The following GRB10 variants were observed in gnomAD, a reference collection of about 807,000 sequenced individuals.
The protein encoded by GRB10 is growth factor receptor-bound protein 10.
A neutral mutation model predicts 80.9 loss-of-function variants in GRB10; 20 were observed. The observed-to-expected ratio is 0.25, with a 90% CI of 0.17 to 0.36. The LOEUF is 0.36. Among genes scored for constraint, GRB10 ranks in the 10% least tolerant of loss-of-function variants. The pLI, the probability that GRB10 is intolerant of heterozygous loss-of-function variation, is 1.00. For missense variants in GRB10, 548 were observed against 747.7 expected, an observed-to-expected ratio of 0.73 and a Z score of 3.12; for synonymous variants, 291 against 291.5, an observed-to-expected ratio of 1.00 and a Z score of 0.02.
chr7:50,702,364 T>C (rs1219139517), intron 5 of GRB10, among the ~76,000 whole-genome samples: 4 of 152,212 alleles, frequency 2.6e-5, no homozygotes, highest in Admixed American at 6.5e-5. Flanking sequence ...TTGTATTCCC[T>C]AGGACCTAGG....
intron 5 of GRB10, among the ~76,000 whole-genome samples, chr7:50,699,013 C>T (rs965995650): frequency 2.6e-5 from 4 of 152,166 alleles, no homozygotes; most frequent in African/African-American, 9.7e-5. Context: ...GAATATACTC[C>T]TAGATAGCTT....
chr7:50,753,054 G>A (rs969475523), intron 3 of GRB10, among the ~76,000 whole-genome samples: 6 of 152,178 alleles, frequency 3.9e-5, no homozygotes, highest in African/African-American at 1.2e-4. Context: ...AGTGAGCAGC[G>A]AAGGACAGTG....
chr7:50,593,107 A>C lies in GRB10; in HGVS notation c.1639-9T>G. 6.2e-7 allele frequency: 1 copy of C among 1,614,060 alleles called. No individual in the cohort carries two copies. The highest frequency in any genetic ancestry group is 8.5e-7 in the Non-Finnish European group (1 of 1,180,010). ...TGCCCGTCGTCCTCGCACTGGAGAG[A>C]CACAAGAACACTTGCCAGGTTAGAG... On this transcript the variant is annotated splice_polypyrimidine_tract_variant and intron_variant, in intron 18 of 18. Transcript: ENST00000401949.
At chr7:50,686,661 C>T (rs745605217) in intron 5 of GRB10, among the ~76,000 whole-genome samples, 3 of 152,118 alleles carry the variant, frequency 2.0e-5, no homozygotes, top group Non-Finnish European at 4.4e-5. Flanking sequence ...ATCAGCATGA[C>T]AAACAAAAGC....
chr7:50,743,612 G>T (rs2072297995), intron 3 of GRB10, among the ~76,000 whole-genome samples: 2 of 152,234 alleles, frequency 1.3e-5, no homozygotes, highest in African/African-American at 4.8e-5. Flanking sequence ...TTGCACAGCT[G>T]CATAGTTAAT....
At chr7:50,778,028 T>C (rs1036056202) in intron 2 of GRB10, among the ~76,000 whole-genome samples, 1 of 152,140 alleles carries the variant, frequency 6.6e-6, no homozygotes, top group Admixed American at 6.5e-5. Context: ...ATGGTACACG[T>C]ATACCTATGT....
intron 3 of GRB10, among the ~76,000 whole-genome samples, chr7:50,744,546 T>C (rs2072512857): frequency 6.6e-6 from 1 of 152,234 alleles, no homozygotes; most frequent in Non-Finnish European, 1.5e-5. Context: ...GCACATGTTG[T>C]ATGTCATATA....
At chr7:50,676,350 G>GGGGGGGGGGGGGGT (rs2060949099) in intron 5 of GRB10, among the ~76,000 whole-genome samples, 1 of 111,680 alleles carries the variant, frequency 9.0e-6, no homozygotes, top group Non-Finnish European at 1.8e-5. Context: ...GGGGGGGGGG[G>GGGGGGGGGGGGGGT]TTGTAAGGAC....
intron 3 of GRB10, among the ~76,000 whole-genome samples, chr7:50,754,775 C>T (rs546643691): frequency 2.6e-5 from 4 of 152,170 alleles, no homozygotes; most frequent in Non-Finnish European, 5.9e-5. Flanking sequence ...TTGACCTGGG[C>T]TGAACTGCGT....
chr7:50,595,604 C>CACACACACACACTCTCTT, intron 17 of GRB10, 74 bp from the exon 18 acceptor site: 1 of 372,816 alleles, frequency 2.7e-6, no homozygotes, highest in South Asian at 2.9e-5. Context: ...CACTCTCTTA[C>CACACACACACACTCTCTT]ACACACACAC....
chr7:50,656,746 G>A (rs897371692), intron 7 of GRB10, among the ~76,000 whole-genome samples: 13 of 152,228 alleles, frequency 8.5e-5, no homozygotes, highest in Non-Finnish European at 1.6e-4. Flanking sequence ...AGAATGCAGA[G>A]GTGGAGAAAG....
At chr7:50,658,650 T>C (rs947708754) in intron 7 of GRB10, among the ~76,000 whole-genome samples, 1 of 152,198 alleles carries the variant, frequency 6.6e-6, no homozygotes, top group African/African-American at 2.4e-5. Flanking sequence ...CAGCTATAGA[T>C]ATCAAGAGGT....
At chr7:50,736,337 G>C (rs2070788873) in intron 3 of GRB10, among the ~76,000 whole-genome samples, 1 of 152,096 alleles carries the variant, frequency 6.6e-6, no homozygotes, top group Non-Finnish European at 1.5e-5. Context: ...TTACTACCAG[G>C]CTACAGTAAT....
At chr7:50,669,075 C>G (rs866230867) in intron 7 of GRB10, among the ~76,000 whole-genome samples, 17 of 152,178 alleles carry the variant, frequency 1.1e-4, no homozygotes, top group African/African-American at 3.4e-4. Context: ...CGGGTGAGCC[C>G]AGCATTTTCA....
intron 3 of GRB10, among the ~76,000 whole-genome samples, chr7:50,741,102 T>A (rs1300447209): frequency 6.6e-6 from 1 of 152,102 alleles, no homozygotes; most frequent in Non-Finnish European, 1.5e-5. Context: ...GCAAGTTTAA[T>A]AAAAAGTTTA....
chr7:50,702,378 G>C (rs1261715178), intron 5 of GRB10, among the ~76,000 whole-genome samples: 1 of 152,228 alleles, frequency 6.6e-6, no homozygotes, highest in South Asian at 2.1e-4. Flanking sequence ...ACCTAGGCCA[G>C]CAGCACCCAT....
intron 2 of GRB10, among the ~76,000 whole-genome samples, chr7:50,758,035 T>C (rs879822537): frequency 1.8e-4 from 28 of 152,164 alleles, no homozygotes; most frequent in African/African-American, 5.8e-4. Context: ...TTCTAGGAAG[T>C]TGATATTAGT....
rs1384144797 is a variant in GRB10 at position 50,704,029 on chromosome 7, C to T, written c.52-121G>A. 4.4e-6 allele frequency: 3 copies of T among 689,294 alleles called. No individual in the cohort carries two copies. In the African/African-American group the frequency reaches 5.3e-5, roughly 12 times the overall value. 42.7% of individuals were successfully genotyped at this position (689,294 alleles called of 1,614,324 possible). ...CAATTCCTTACTTCCTTTCCACTTA[C>T]TTACTTTTTCCATTTTCAATGATAG... On this transcript the variant is annotated intron_variant, in intron 4 of 18. Transcript: ENST00000401949.
intron 7 of GRB10, among the ~76,000 whole-genome samples, chr7:50,665,370 T>G (rs2059690831): frequency 1.3e-5 from 2 of 152,134 alleles, no homozygotes; most frequent in South Asian, 4.1e-4. Context: ...AACAACAAAA[T>G]AAAACAGAAA....
Sources: gnomAD v4.1 joint callset for allele counts (sites outside exome capture counted in the v4.1 genomes callset) on GRCh38, gnomAD v4.1.1 for gene constraint, MANE v1.5 for transcripts, NCBI Gene and HGNC (gene_info 2026-07-23, HGNC 2026-07-21) for gene names.